ZNF398: variants seen among roughly 807,000 people sequenced by gnomAD.
ZNF398 encodes the protein zinc finger protein 398.
In ZNF398, 18 loss-of-function variants were observed where a neutral mutation model predicts 41.9. The observed-to-expected ratio is 0.43, with a 90% confidence interval of 0.30 to 0.64. The LOEUF (loss-of-function observed/expected upper bound fraction) is 0.64, where lower values mean the gene tolerates loss of function less well. Among genes scored for constraint, ZNF398 ranks in the 30% least tolerant of loss-of-function variants. The pLI is 0.14. For missense variants in ZNF398, 669 were observed against 822.8 expected (o/e 0.81, Z 2.29); for synonymous variants, 260 against 308.8 (o/e 0.84, Z 1.66).
chr7:149,175,104 G>T (rs531410674), intron 4 of ZNF398, among the ~76,000 whole-genome samples: 3 of 152,260 alleles, frequency 2.0e-5, no homozygotes, highest in Admixed American at 1.3e-4. Flanking sequence ...ACCGATGGTC[G>T]TTTGGGCTTT....
chr7:149,176,290 T>C (rs1387760707), intron 4 of ZNF398, among the ~76,000 whole-genome samples, 178 bp from the exon 5 acceptor site: 2 of 151,992 alleles, frequency 1.3e-5, no homozygotes, highest in Non-Finnish European at 2.9e-5. Context: ...GAGCTTGCAG[T>C]GAGCCATCGT....
chr7:149,155,201 C>CA (rs558753413), intron 2 of ZNF398, among the ~76,000 whole-genome samples: 90 of 152,236 alleles, frequency 5.9e-4, no homozygotes, highest in African/African-American at 2.0e-3. Context: ...AAAGGCAGAT[C>CA]ACAAGTTCAG....
At chr7:149,163,873 G>T (rs1392732485) in intron 2 of ZNF398, among the ~76,000 whole-genome samples, 1 of 152,198 alleles carries the variant, frequency 6.6e-6, no homozygotes, top group African/African-American at 2.4e-5. Context: ...AGCACTTTGG[G>T]AGGCTGAGGT....
At chr7:149,134,590 T>C (rs1355820064) in intron 2 of ZNF398, among the ~76,000 whole-genome samples, 1 of 152,182 alleles carries the variant, frequency 6.6e-6, no homozygotes, top group Non-Finnish European at 1.5e-5. Context: ...ACTTAAAGTT[T>C]ATTTTTTCAA....
intron 4 of ZNF398, among the ~76,000 whole-genome samples, chr7:149,170,695 A>G (rs1182503025): frequency 1.3e-5 from 2 of 151,780 alleles, no homozygotes; most frequent in African/African-American, 4.8e-5. Flanking sequence ...AGATTACACC[A>G]CTGCACTCCA....
chr7:149,141,541 G>A (rs1242761100), intron 2 of ZNF398, among the ~76,000 whole-genome samples: 4 of 137,930 alleles, frequency 2.9e-5, no homozygotes, highest in Admixed American at 1.7e-4. Context: ...TGCAAGCTCC[G>A]CCTCCCGAGT....
chr7:149,142,603 C>T (rs2129519689), upstream of ZNF398, among the ~76,000 whole-genome samples: 1 of 152,284 alleles, frequency 6.6e-6, no homozygotes, highest in South Asian at 2.1e-4. Flanking sequence ...GGAGGCGGAG[C>T]TTGCAGTGAG....
Position 149,154,156 on chromosome 7 carries a change from C to T in ZNF398, c.236C>T (p.Ala79Val). Residue 79 changes from alanine (A) to valine (V), a missense_variant, in exon 2 of 6, where the codon GCC (alanine) becomes GTC (valine). This residue lies in a region of ZNF398 where 169 missense variants were observed against 239.5 expected (regional missense o/e 0.71). Transcript: ENST00000475153. ...ACAGGGACAGCAGAGAAGAAACTAG[C>T]CAGCTGTGAAAAGACAGTTACCGAG... is the stretch of plus-strand genomic sequence containing the variant. ...GRTGTAEKKL[A>V]SCEKTVTELG... 1 of 1,614,138 alleles carries T rather than the reference C, an allele frequency of 6.2e-7. No individual in the cohort carries two copies. Among genetic ancestry groups the T allele is most frequent in the East Asian group, 2.2e-5 (1 of 44,890 alleles).
At chr7:149,158,777 T>C (rs1397177887) in intron 2 of ZNF398, among the ~76,000 whole-genome samples, 1 of 146,512 alleles carries the variant, frequency 6.8e-6, no homozygotes, top group Non-Finnish European at 1.5e-5. Context: ...GAGGTTGCAG[T>C]GAGCCGAGAT....
chr7:149,156,135 G>A (rs1585521011), intron 2 of ZNF398, among the ~76,000 whole-genome samples: 2 of 152,092 alleles, frequency 1.3e-5, no homozygotes, highest in South Asian at 2.1e-4. Context: ...CAAGTGGCTT[G>A]GATGAGGGTA....
intron 1 of ZNF398, among the ~76,000 whole-genome samples, chr7:149,151,455 G>A (rs531897102): frequency 6.6e-6 from 1 of 152,192 alleles, no homozygotes; most frequent in South Asian, 2.1e-4. Flanking sequence ...TCGTCAGAGA[G>A]TGGCTTATCA....
chr7:149,148,536 CAT>C, intron 1 of ZNF398: 1 of 955,974 alleles, frequency 1.0e-6, no homozygotes, highest in Non-Finnish European at 1.2e-6. Flanking sequence ...CACCCTGGCA[CAT>C]GAGGGGTGAC....
chr7:149,163,529 C>T (rs542090515), intron 2 of ZNF398, among the ~76,000 whole-genome samples: 2 of 152,238 alleles, frequency 1.3e-5, no homozygotes, highest in Non-Finnish European at 1.5e-5. Context: ...TGTGCCACCA[C>T]GCCCCTGGCT....
intron 2 of ZNF398, among the ~76,000 whole-genome samples, chr7:149,129,893 C>A (rs1311392016): frequency 6.6e-6 from 1 of 151,896 alleles, no homozygotes; most frequent in Non-Finnish European, 1.5e-5. Context: ...CTCCGCCTCC[C>A]AGGTTCAAGC....
intron 3 of ZNF398, 57 bp downstream of exon 3, chr7:149,166,341 AAC>A: frequency 6.3e-7 from 1 of 1,599,822 alleles, no homozygotes; most frequent in African/African-American, 1.3e-5. Context: ...GAGGGCTCAG[AAC>A]AGTCCCTTTT....
Position 149,153,948 on chromosome 7 carries a change from T to C in ZNF398, c.28T>C (p.Ser10Pro). Residue 10 changes from serine (S) to proline (P), a missense_variant, in exon 2 of 6, where the codon TCT (serine) becomes CCT (proline). Coordinates refer to ENST00000475153, the MANE Select transcript of ZNF398 (RefSeq NM_170686.3). ...TCCATCTTTCCACTGCATGCAGACA[T>C]CTGAATGGGACTCCGAGTGCCTTAC... MAEAAPAPT[S>P]EWDSECLTSL... 6.2e-7 allele frequency: 1 copy of C among 1,608,200 alleles called. No homozygotes were observed. The highest frequency in any genetic ancestry group is 8.5e-7 in the Non-Finnish European group (1 of 1,177,288).
intron 2 of ZNF398, among the ~76,000 whole-genome samples, chr7:149,163,227 A>G (rs964018978): frequency 2.2e-4 from 34 of 152,182 alleles, no homozygotes; most frequent in Admixed American, 2.2e-3. Context: ...TTTTTCAGAC[A>G]GAGTTTCACT....
rs199657259 is a variant in ZNF398, at chr7:149,133,685, ATATGTGTG to A, written c.-490+4745_-490+4752del. ...TATATATATATATATATATACATAT[ATATGTGTG>A]TATATATATATACACACATATATAT... On this transcript the variant is annotated intron_variant, in intron 2 of 6. Coordinates refer to the ZNF398 transcript ENST00000426851. 8.3e-4 allele frequency among the ~76,000 whole-genome samples: 33 copies of A among 39,536 alleles called. No homozygotes were observed. The East Asian group carries it at 0.01, about 12-fold the overall frequency. 25.9% of individuals were successfully genotyped at this position (39,536 alleles called of 152,430 possible).
Position 149,179,145 on chromosome 7 carries a change from C to T in ZNF398, c.1273C>T (p.Arg425Cys), listed in dbSNP as rs574873936. The stretch of plus-strand genomic sequence containing the variant: ...TCTTCGGGTCCATAACAGCACTGAG[C>T]GTCCTTTCCCCTGTCCTGATTGCCC... Reference protein sequence around the residue: ...YHLRVHNSTERPFPCPDCPKR... With the variant: ...YHLRVHNSTECPFPCPDCPKR... The change falls in exon 6 of 6, where the codon CGT becomes TGT. Residue 425 changes from arginine (R) to cysteine (C), a missense_variant. Arg to Cys is a radical substitution (Grantham distance 180). Transcript: ENST00000475153. The surrounding 1 kb of genome is among the most constrained non-coding windows in gnomAD (Gnocchi z 6.1). The T allele has an allele frequency of 1.9e-6, 3 of 1,614,020 alleles. 1 individual carries two copies. Among genetic ancestry groups the T allele is most frequent in the South Asian group, 2.2e-5 (2 of 91,070 alleles).
Sources: allele counts gnomAD v4.1 joint callset (sites outside exome capture counted in the v4.1 genomes callset), GRCh38; gene constraint gnomAD v4.1.1; regional missense constraint gnomAD v4.1.1; non-coding constraint Gnocchi (gnomAD v3.1); transcripts MANE v1.5; gene names NCBI Gene and HGNC (gene_info 2026-07-23, HGNC 2026-07-21).